SYNPR: variants seen among roughly 807,000 people sequenced by gnomAD.
SYNPR encodes synaptoporin.
In SYNPR, 23 loss-of-function variants were observed where a neutral mutation model predicts 32.9. That is an observed-to-expected ratio of 0.70 (90% CI 0.50 to 0.99). The LOEUF is 0.99. Among genes scored for constraint, SYNPR ranks in the 50% least tolerant of loss-of-function variants. The pLI, the probability that SYNPR is intolerant of heterozygous loss-of-function variation, is 0.00. For missense variants in SYNPR, 318 were observed against 349.3 expected, an observed-to-expected ratio of 0.91 and a Z score of 0.71; for synonymous variants, 146 against 135.9, an observed-to-expected ratio of 1.07 and a Z score of -0.52.
At chr3:63,608,918 T>G (rs918843204) in intron 4 of SYNPR, among the ~76,000 whole-genome samples, 3 of 152,130 alleles carry the variant, frequency 2.0e-5, no homozygotes, top group Non-Finnish European at 2.9e-5. Context: ...TTAATAAATA[T>G]TACTATTATT....
chr3:63,364,226 T>C (rs2087702318), intron 2 of SYNPR, among the ~76,000 whole-genome samples: 1 of 152,244 alleles, frequency 6.6e-6, no homozygotes, highest in African/African-American at 2.4e-5. Flanking sequence ...AGTTCATTTA[T>C]CTTATTCTGA....
intron 2 of SYNPR, among the ~76,000 whole-genome samples, chr3:63,431,448 C>A (rs909003470): frequency 2.0e-5 from 3 of 152,004 alleles, no homozygotes; most frequent in African/African-American, 7.3e-5. Flanking sequence ...CTCTCACTTG[C>A]AAAATATTGG....
intron 2 of SYNPR, among the ~76,000 whole-genome samples, chr3:63,318,698 G>C (rs1219356567): frequency 6.6e-6 from 1 of 151,898 alleles, no homozygotes. Context: ...ATTGGGCTTT[G>C]CCTTTCTCTA....
At chr3:63,415,218 C>T (rs1370653909) in intron 2 of SYNPR, among the ~76,000 whole-genome samples, 2 of 152,194 alleles carry the variant, frequency 1.3e-5, no homozygotes, top group Non-Finnish European at 2.9e-5. Context: ...TGCTCCTATA[C>T]ATCCCCTCAC....
At chr3:63,391,249 G>T (rs183070851) in intron 2 of SYNPR, among the ~76,000 whole-genome samples, 211 of 152,202 alleles carry the variant, frequency 1.4e-3, no homozygotes, top group Non-Finnish European at 2.6e-3. Flanking sequence ...TGCAGAATCT[G>T]CCTCACTGTG....
intron 4 of SYNPR, among the ~76,000 whole-genome samples, chr3:63,576,279 A>G (rs1387184719): frequency 1.3e-5 from 2 of 152,250 alleles, no homozygotes; most frequent in African/African-American, 2.4e-5. Flanking sequence ...TTCTATTCCA[A>G]TTGGCTTCCT....
chr3:63,251,987 G>A (rs2086335996), intron 1 of SYNPR, among the ~76,000 whole-genome samples: 2 of 151,912 alleles, frequency 1.3e-5, no homozygotes, highest in Non-Finnish European at 2.9e-5. Flanking sequence ...AGTGAAATGA[G>A]ATAGTCTCTA....
chr3:63,235,038 T>C (rs562349358), intron 1 of SYNPR, among the ~76,000 whole-genome samples: 3 of 152,334 alleles, frequency 2.0e-5, no homozygotes, highest in African/African-American at 7.2e-5. Context: ...CTGATATTGA[T>C]ACCATCTACT....
At chr3:63,445,901 G>C (rs1206815017) in intron 2 of SYNPR, among the ~76,000 whole-genome samples, 1 of 152,164 alleles carries the variant, frequency 6.6e-6, no homozygotes, top group Non-Finnish European at 1.5e-5. Flanking sequence ...ATACAAGGTA[G>C]TCTCCTTCCT....
chr3:63,284,625 C>G (rs563249885), intron 2 of SYNPR, among the ~76,000 whole-genome samples: 2 of 152,284 alleles, frequency 1.3e-5, no homozygotes, highest in South Asian at 4.2e-4. Flanking sequence ...GAGACACTAG[C>G]ATTTATATAA....
chr3:63,241,196 G>C (rs755968291), intron 1 of SYNPR, among the ~76,000 whole-genome samples: 28 of 152,158 alleles, frequency 1.8e-4, no homozygotes, highest in Non-Finnish European at 3.4e-4. Context: ...AAGGAGGAAA[G>C]AGGGATGGCA....
chr3:63,278,356 C>T lies in SYNPR; in HGVS notation c.-178C>T, dbSNP rs1453067266. The T allele has an allele frequency of 2.7e-6, 2 of 744,546 alleles. No individual in the cohort carries two copies. Among genetic ancestry groups the T allele is most frequent in the Non-Finnish European group, 4.3e-6 (2 of 467,296 alleles). The allele number at this position is 744,546 out of a possible 1,614,324, so 46.1% of individuals were successfully genotyped here. A position where few individuals can be genotyped will look rare whatever the true frequency, so the allele number is the denominator to read the frequency against. On this transcript the variant is annotated 5_prime_UTR_variant, in exon 1 of 6. Coordinates refer to ENST00000478300, the MANE Select transcript of SYNPR (RefSeq NM_001130003.2). ...TCCCCGACGCGCTGGGTTCCCGGAG[C>T]GCAGAGCCCAGCGTTAGCGGGTGGG...
intron 2 of SYNPR, among the ~76,000 whole-genome samples, chr3:63,477,212 T>C (rs1700944539): frequency 6.6e-6 from 1 of 152,132 alleles, no homozygotes; most frequent in African/African-American, 2.4e-5. Flanking sequence ...CTCAGGCCCC[T>C]GGAGAGCCTC....
At chr3:63,382,474 A>G (rs1158007281) in intron 2 of SYNPR, among the ~76,000 whole-genome samples, 1 of 152,202 alleles carries the variant, frequency 6.6e-6, no homozygotes, top group Middle Eastern at 3.2e-3. Context: ...GGCATAGACT[A>G]GCTATATTCT....
intron 3 of SYNPR, among the ~76,000 whole-genome samples, chr3:63,509,356 G>A (rs6766448): frequency 0.68 from 102,351 of 150,314 alleles, 35,520 homozygotes; most frequent in African/African-American, 0.82. Flanking sequence ...ATACACACAT[G>A]TATATAACTA....
chr3:63,493,510 A>G (rs1458865965), intron 3 of SYNPR, among the ~76,000 whole-genome samples: 1 of 152,004 alleles, frequency 6.6e-6, no homozygotes, highest in Non-Finnish European at 1.5e-5. Flanking sequence ...ACGTGTAGAA[A>G]GCTCATTTAA....
intron 2 of SYNPR, among the ~76,000 whole-genome samples, chr3:63,469,332 A>C (rs1575660718): frequency 6.6e-6 from 1 of 152,174 alleles, no homozygotes; most frequent in African/African-American, 2.4e-5. Context: ...ATTTAACTAC[A>C]GAACAGTAGC....
chr3:63,413,450 C>T (rs1277941637), intron 2 of SYNPR, among the ~76,000 whole-genome samples: 2 of 152,062 alleles, frequency 1.3e-5, no homozygotes, highest in Non-Finnish European at 1.5e-5. Flanking sequence ...AAAAGGAACC[C>T]CTGAAGGCTT....
chr3:63,575,798 A>G (rs1702969395), intron 4 of SYNPR, among the ~76,000 whole-genome samples: 1 of 152,210 alleles, frequency 6.6e-6, no homozygotes, highest in Non-Finnish European at 1.5e-5. Flanking sequence ...GGTGAAGTGA[A>G]TAAGAAGAGT....
Sources: gnomAD v4.1 joint callset for allele counts (sites outside exome capture counted in the v4.1 genomes callset) on GRCh38, gnomAD v4.1.1 for gene constraint, MANE v1.5 for transcripts, NCBI Gene and HGNC (gene_info 2026-07-23, HGNC 2026-07-21) for gene names.